Variants in PTPRN2 observed in about 807,000 individuals in gnomAD.
The protein encoded by PTPRN2 is protein tyrosine phosphatase receptor type N2.
In PTPRN2, 74 loss-of-function variants were observed where a neutral mutation model predicts 118.8. The observed-to-expected ratio is 0.62, with a 90% CI of 0.52 to 0.76. The LOEUF (loss-of-function observed/expected upper bound fraction) is 0.76, where lower values mean the gene tolerates loss of function less well. PTPRN2 is among the 30% of genes least tolerant of loss of function. PTPRN2 has a pLI of 0.00. For missense variants in PTPRN2, 1,481 were observed against 1,394.4 expected (o/e 1.06, Z -0.99); for synonymous variants, 641 against 608.0 (o/e 1.05, Z -0.80).
At chr7:158,441,790 A>G (rs1817299840) in intron 2 of PTPRN2, among the ~76,000 whole-genome samples, 1 of 127,262 alleles carries the variant, frequency 7.9e-6, no homozygotes, top group African/African-American at 3.2e-5. Flanking sequence ...TGATGGTGAT[A>G]GTGATGGTCA....
At chr7:158,296,119 C>A (rs1354429350) in intron 3 of PTPRN2, among the ~76,000 whole-genome samples, 2 of 152,086 alleles carry the variant, frequency 1.3e-5, no homozygotes, top group Non-Finnish European at 2.9e-5. Flanking sequence ...TTTTTGTGCC[C>A]AAATGTTGCA....
intron 6 of PTPRN2, among the ~76,000 whole-genome samples, chr7:158,146,952 C>G (rs1196157275): frequency 2.7e-5 from 4 of 147,638 alleles, no homozygotes. Flanking sequence ...CTTTCCCCCT[C>G]AATGACACCC....
chr7:157,799,795 GGCCTACCCCGTCCCTCAGAGGCACCACA>G (rs1805117594), intron 12 of PTPRN2, among the ~76,000 whole-genome samples: 1 of 120,360 alleles, frequency 8.3e-6, no homozygotes, highest in Non-Finnish European at 1.8e-5. Context: ...CACCACAATC[GGCCTACCCCGTCCCTCAGAGGCACCACA>G]GCCGGCCCCC....
At chr7:158,548,020 C>A (rs1826411119) in intron 1 of PTPRN2, among the ~76,000 whole-genome samples, 2 of 152,216 alleles carry the variant, frequency 1.3e-5, no homozygotes, top group Admixed American at 1.3e-4. Flanking sequence ...CTGTGCCATC[C>A]CTGCCTCCAG....
intron 5 of PTPRN2, among the ~76,000 whole-genome samples, chr7:158,172,192 T>A (rs544054122): frequency 6.6e-5 from 10 of 152,314 alleles, no homozygotes; most frequent in African/African-American, 2.4e-4. Flanking sequence ...TCCTGTCAGT[T>A]CTGTGTAACT....
chr7:157,666,007 G>A (rs1796257), intron 13 of PTPRN2, among the ~76,000 whole-genome samples: 117,161 of 152,134 alleles, frequency 0.77, 45,367 homozygotes, highest in East Asian at 0.95. Context: ...AGGGGGAGGG[G>A]TAGCATTAGG....
intron 11 of PTPRN2, among the ~76,000 whole-genome samples, chr7:157,952,492 G>A (rs1388678950): frequency 6.6e-6 from 1 of 151,674 alleles, no homozygotes; most frequent in Non-Finnish European, 1.5e-5. Flanking sequence ...ACAGGCGAGG[G>A]TGGGGAGGGA....
At chr7:157,870,113 C>T (rs1415487525) in intron 12 of PTPRN2, among the ~76,000 whole-genome samples, 1 of 152,154 alleles carries the variant, frequency 6.6e-6, no homozygotes, top group African/African-American at 2.4e-5. Flanking sequence ...GAAAGCTCTG[C>T]CCTTGGCTGC....
intron 11 of PTPRN2, among the ~76,000 whole-genome samples, chr7:158,039,326 G>A (rs1009962777): frequency 6.6e-6 from 1 of 152,146 alleles, no homozygotes; most frequent in African/African-American, 2.4e-5. Context: ...TTTCACTTAT[G>A]GGAGGAAAAG....
intron 2 of PTPRN2, among the ~76,000 whole-genome samples, chr7:158,399,159 A>T (rs1266827882): frequency 6.6e-6 from 1 of 152,082 alleles, no homozygotes; most frequent in Non-Finnish European, 1.5e-5. Flanking sequence ...GGGCTCTTTC[A>T]TTAGAGGCTT....
At chr7:157,636,188 GGC>G (rs1187003893) in intron 14 of PTPRN2, among the ~76,000 whole-genome samples, 1 of 152,122 alleles carries the variant, frequency 6.6e-6, no homozygotes, top group Non-Finnish European at 1.5e-5. Context: ...TTCCATCTCT[GGC>G]TTCATTAATG....
At position 158,530,428 on chromosome 7, in the gene PTPRN2, C is replaced by T. The variant is rs115443558; in HGVS notation, c.113-40643G>A. Among the ~76,000 whole-genome samples, 1,193 of 152,338 alleles carry T rather than the reference C, an allele frequency of 7.8e-3. 15 individuals are homozygous for T. The highest frequency in any genetic ancestry group is 0.026 in the African/African-American group (1,086 of 41,576). ...CTCCTGGGAATGCTGGGGACCTGGA[C>T]ATCCCACGCCGGCCTCCCCGTGTGC... On this transcript the variant is annotated intron_variant, in intron 1 of 22. Transcript: ENST00000389418.
At chr7:157,928,458 T>C (rs995689941) in intron 11 of PTPRN2, among the ~76,000 whole-genome samples, 4 of 152,160 alleles carry the variant, frequency 2.6e-5, no homozygotes, top group Non-Finnish European at 4.4e-5. Flanking sequence ...CTTCTTGTGA[T>C]GGTGGGATGG....
In PTPRN2 at chr7:157,571,482, T is replaced by C. The variant is rs1466800307; in HGVS notation, c.2795A>G (p.Lys932Arg). ...SLLDFRRKVN[K>R]CYRGRSCPII... ...TGGACAAGAACGGCCCCTGTAGCAC[T>C]TGTTTACTTTTCTGAAATAAAAAGA... The change falls in exon 20 of 23, where the codon AAG becomes AGG. Residue 932 changes from lysine (K) to arginine (R), a missense_variant. Physicochemically the swap from Lys to Arg is conservative, Grantham distance 26. Around this residue, in one of 3 missense-constraint regions of PTPRN2, gnomAD observed 362 missense variants for 384.1 expected, o/e 0.94. Coordinates refer to ENST00000389418, the MANE Select transcript of PTPRN2 (RefSeq NM_002847.5). The C allele has an allele frequency of 6.2e-7, 1 of 1,607,944 alleles. No homozygotes were observed. The highest frequency in any genetic ancestry group is 8.5e-7 in the Non-Finnish European group (1 of 1,176,444).
intron 2 of PTPRN2, among the ~76,000 whole-genome samples, chr7:158,355,900 T>A (rs980191324): frequency 1.3e-5 from 2 of 152,214 alleles, no homozygotes; most frequent in Non-Finnish European, 2.9e-5. Flanking sequence ...AGGCTGATGA[T>A]GACCCTGCTG....
chr7:158,151,127 C>A (rs6954217), intron 6 of PTPRN2, among the ~76,000 whole-genome samples: 1 of 36,674 alleles, frequency 2.7e-5, no homozygotes, highest in African/African-American at 9.2e-5. Context: ...CCTGCCCACA[C>A]CGCCCGCCTT....
intron 9 of PTPRN2, among the ~76,000 whole-genome samples, chr7:158,121,382 A>G (rs1018335829): frequency 6.6e-6 from 1 of 152,186 alleles, no homozygotes; most frequent in Non-Finnish European, 1.5e-5. Flanking sequence ...ACTTATTTTA[A>G]AAGGTCTCCA....
Position 157,861,519 on chromosome 7 carries a change from G to A in PTPRN2, c.1788+37154C>T, listed in dbSNP as rs577622528. ...TGCAGGGCCCAGCCGCTGTGCCTCT[G>A]TGTGGCCTCCCCACCTTACCTGCAG... is the stretch of plus-strand genomic sequence containing the variant. On this transcript the variant is annotated intron_variant, in intron 12 of 22. Coordinates refer to ENST00000389418, the MANE Select transcript of PTPRN2 (RefSeq NM_002847.5). The surrounding 1 kb of genome is among the most constrained non-coding windows in gnomAD (Gnocchi z 5.8). 6.6e-6 allele frequency among the ~76,000 whole-genome samples: 1 copy of A among 152,350 alleles called. No individual in the cohort carries two copies. The highest frequency in any genetic ancestry group is 1.5e-5 in the Non-Finnish European group (1 of 68,024).
chr7:158,221,366 G>A (rs1828356132), intron 3 of PTPRN2, among the ~76,000 whole-genome samples: 1 of 151,782 alleles, frequency 6.6e-6, no homozygotes, highest in Non-Finnish European at 1.5e-5. Flanking sequence ...AAGACAAGAG[G>A]GACCTAATTA....
Sources: gnomAD v4.1 joint callset for allele counts (sites outside exome capture counted in the v4.1 genomes callset) on GRCh38, gnomAD v4.1.1 for gene constraint, gnomAD v4.1.1 regional missense constraint, Gnocchi (gnomAD v3.1) non-coding constraint, MANE v1.5 for transcripts, NCBI Gene and HGNC (gene_info 2026-07-23, HGNC 2026-07-21) for gene names.